The following PPARA variants were observed in gnomAD, a reference collection of about 807,000 sequenced individuals.
PPARA encodes the protein peroxisome proliferator activated receptor alpha.
In PPARA, 22 loss-of-function variants were observed where a neutral mutation model predicts 42.2. The ratio of observed to expected loss-of-function variants is 0.52; its 90% confidence interval spans 0.37 to 0.74. The LOEUF (loss-of-function observed/expected upper bound fraction) is 0.74. Among genes scored for constraint, PPARA ranks in the 30% least tolerant of loss-of-function variants. PPARA has a pLI of 0.00. For synonymous variants in PPARA, 242 were observed against 239.3 expected, an observed-to-expected ratio of 1.01 and a Z score of -0.10; for missense variants, 465 against 608.2, an observed-to-expected ratio of 0.76 and a Z score of 2.48.
At chr22:46,155,912 C>T (rs969167310) in intron 2 of PPARA, 1 of 152,240 alleles carries the variant, frequency 6.6e-6, no homozygotes, top group African/African-American at 2.4e-5. Context: ...GAGCACCATG[C>T]AGGCATATTT....
intron 4 of PPARA, among the ~76,000 whole-genome samples, chr22:46,205,833 G>C (rs1483055105): frequency 6.6e-6 from 1 of 151,734 alleles, no homozygotes. Context: ...TTATTATTAT[G>C]AAATTGCTGT....
At chr22:46,208,766 T>C (rs1047634908) in intron 4 of PPARA, among the ~76,000 whole-genome samples, 3 of 152,152 alleles carry the variant, frequency 2.0e-5, no homozygotes, top group Non-Finnish European at 4.4e-5. Flanking sequence ...TTTGACCTTT[T>C]TAGATTTCAC....
Position 46,161,871 on chromosome 22 carries a change from G to A in PPARA, c.-127+9901G>A, listed in dbSNP as rs1415974265. Among the ~76,000 whole-genome samples, 3 of 151,878 alleles carry A rather than the reference G, an allele frequency of 2.0e-5. No homozygotes were observed. The highest frequency in any genetic ancestry group is 4.8e-5 in the African/African-American group (2 of 41,310). ...ATGCCCCCACCCCCTCTGGCTCCAC[G>A]AGGCCCCCTGTACGTCACCATCACC... On this transcript the variant is annotated intron_variant, in intron 2 of 8. Transcript: ENST00000407236. This position sits in a 1 kb window ranked among gnomAD's most constrained non-coding sequence, Gnocchi z 4.8.
rs1935378631 is a variant in PPARA at position 46,225,785 on chromosome 22, ACACC to A, written c.711+5773_711+5776del. ...TCCATGCATGCACGTGTAAACACAC[ACACC>A]CCCACACATACACGTGCACCCACAC... On this transcript the variant is annotated intron_variant, in intron 7 of 8. Coordinates refer to ENST00000407236, the MANE Select transcript of PPARA (RefSeq NM_005036.6). The surrounding 1 kb of genome is among the most constrained non-coding windows in gnomAD (Gnocchi z 4.1). Among the ~76,000 whole-genome samples the A allele has an allele frequency of 1.3e-5, 2 of 151,044 alleles. No individual in the cohort carries two copies. The highest frequency in any genetic ancestry group is 4.9e-5 in the African/African-American group (2 of 41,042).
chr22:46,181,142 G>C (rs1030739872), intron 3 of PPARA, among the ~76,000 whole-genome samples: 1 of 152,162 alleles, frequency 6.6e-6, no homozygotes, highest in Non-Finnish European at 1.5e-5. Context: ...CAGGACACGA[G>C]AGTGGCTCAC....
At chr22:46,218,840 A>G (rs1396768419) in intron 6 of PPARA, among the ~76,000 whole-genome samples, 2 of 135,638 alleles carry the variant, frequency 1.5e-5, no homozygotes, top group Non-Finnish European at 3.1e-5. Context: ...TCTCACAAAA[A>G]AAAAAAAAAG....
rs1255645424 is a variant in PPARA at position 46,238,893 on chromosome 22, G to C, written c.*3513G>C. On this transcript the variant is annotated 3_prime_UTR_variant, in exon 9 of 9. Coordinates refer to ENST00000407236, the MANE Select transcript of PPARA (RefSeq NM_005036.6). The surrounding 1 kb of genome is among the most constrained non-coding windows in gnomAD (Gnocchi z 8.3). ...AAGATGCTTCCAGTTACAGCGGCAGGAGCGGGACTGGGAGCACGGGCTGAC... is the reference window on the plus strand; with the variant it reads ...AAGATGCTTCCAGTTACAGCGGCAGCAGCGGGACTGGGAGCACGGGCTGAC... The C allele has an allele frequency of 6.6e-6, 1 of 152,428 alleles. No homozygotes were observed. The highest frequency in any genetic ancestry group is 1.9e-4 in the East Asian group (1 of 5,204). The allele number at this position is 152,428 out of a possible 1,614,324, so 9.4% of individuals were successfully genotyped here.
rs1001385336 is a variant in PPARA, at chr22:46,215,021, C to G, written c.209-152C>G. The G allele has an allele frequency of 6.6e-6, 6 of 907,828 alleles. No homozygotes were observed. The South Asian group carries it at 8.6e-5, about 13-fold the overall frequency. The allele number at this position is 907,828 out of a possible 1,614,324, so 56.2% of individuals were successfully genotyped here. A position where few individuals can be genotyped will look rare whatever the true frequency, so the allele number is the denominator to read the frequency against. ...GCTGTAGGAGTGCAAGAGGGTGTGA[C>G]CCAGAGGCAGGGCCCGGCCCCGCAT... On this transcript the variant is annotated intron_variant, in intron 4 of 8. Coordinates refer to ENST00000407236, the MANE Select transcript of PPARA (RefSeq NM_005036.6).
intron 4 of PPARA, among the ~76,000 whole-genome samples, chr22:46,207,677 A>AATTTTTT (rs1933503780): frequency 2.0e-5 from 1 of 50,724 alleles, no homozygotes; most frequent in Non-Finnish European, 3.3e-5. Flanking sequence ...TATTATTATT[A>AATTTTTT]TTTTTTTTTT....
intron 4 of PPARA, among the ~76,000 whole-genome samples, chr22:46,213,574 ACTTTTT>A (rs1934146428): frequency 6.8e-6 from 1 of 146,016 alleles, no homozygotes; most frequent in Admixed American, 6.8e-5. Context: ...TGGCAAGCTA[ACTTTTT>A]CTTTTTTTTT....
chr22:46,177,694 C>T (rs1487318909), intron 3 of PPARA, among the ~76,000 whole-genome samples: 1 of 151,798 alleles, frequency 6.6e-6, no homozygotes, highest in African/African-American at 2.4e-5. Context: ...CAGGCATGTA[C>T]CCGATGAGAC....
rs767084198 is a variant in PPARA, at chr22:46,166,258, T to C, written c.-126-10495T>C. 2.0e-5 allele frequency among the ~76,000 whole-genome samples: 3 copies of C among 152,196 alleles called. No individual in the cohort carries two copies. In the South Asian group the frequency reaches 6.2e-4, roughly 32 times the overall value. On this transcript the variant is annotated intron_variant, in intron 2 of 8. Coordinates refer to ENST00000407236, the MANE Select transcript of PPARA (RefSeq NM_005036.6). Reference sequence around the variant, plus strand: ...CTGTCGGTCAGTTTCATGCACAGACTGCAAAGCATATGGTTTTGTCTACTC... The same window carrying C: ...CTGTCGGTCAGTTTCATGCACAGACCGCAAAGCATATGGTTTTGTCTACTC...
At chr22:46,185,895 CAAAAAAAAAA>C (rs1162861606) in intron 3 of PPARA, among the ~76,000 whole-genome samples, 2 of 19,678 alleles carry the variant, frequency 1.0e-4, no homozygotes, top group African/African-American at 3.4e-4. Flanking sequence ...ACTCCGTCTC[CAAAAAAAAAA>C]AAAAAAAAAA....
intron 4 of PPARA, 151 bp from the exon 5 acceptor site, chr22:46,215,022 C>T: frequency 1.1e-6 from 1 of 915,950 alleles, no homozygotes; most frequent in East Asian, 2.7e-5. Context: ...AGGGTGTGAC[C>T]CAGAGGCAGG....
In PPARA at chr22:46,183,966, G is replaced by A. The variant is rs1394532058; in HGVS notation, c.-43+7130G>A. On this transcript the variant is annotated intron_variant, in intron 3 of 8. Coordinates refer to ENST00000407236, the MANE Select transcript of PPARA (RefSeq NM_005036.6). This position sits in a 1 kb window ranked among gnomAD's most constrained non-coding sequence, Gnocchi z 5.5. ...CAGCGCATGTTGTGGTAGCCTCTCT[G>A]TACTTCAGTTTCCTCATCTGTAAAG... Among the ~76,000 whole-genome samples, 2 of 152,110 alleles carry A rather than the reference G, an allele frequency of 1.3e-5. No individual in the cohort carries two copies. Among genetic ancestry groups the A allele is most frequent in the African/African-American group, 2.4e-5 (1 of 41,402 alleles).
At chr22:46,223,553 G>C (rs1601800015) in intron 7 of PPARA, among the ~76,000 whole-genome samples, 2 of 150,876 alleles carry the variant, frequency 1.3e-5, no homozygotes, top group South Asian at 4.2e-4. Context: ...TGAGGCAGGA[G>C]AATTGCTTGA....
At chr22:46,174,216 G>A (rs2147215064) in intron 2 of PPARA, among the ~76,000 whole-genome samples, 2 of 143,990 alleles carry the variant, frequency 1.4e-5, no homozygotes, top group African/African-American at 5.3e-5. Context: ...GAGAGAGAGA[G>A]AGGGAGAAAG....
chr22:46,169,486 G>A (rs1200588847), intron 2 of PPARA, among the ~76,000 whole-genome samples: 8 of 151,374 alleles, frequency 5.3e-5, no homozygotes, highest in Non-Finnish European at 1.2e-4. Context: ...TGCCCGCCTC[G>A]GCCTCCCAAA....
chr22:46,164,952 C>T (rs944035093), intron 2 of PPARA: 9 of 152,142 alleles, frequency 5.9e-5, no homozygotes, highest in African/African-American at 1.9e-4. Context: ...TATTTCAAAA[C>T]GTAGGGCTGA....
Sources: gnomAD v4.1 joint callset for allele counts (sites outside exome capture counted in the v4.1 genomes callset) on GRCh38, gnomAD v4.1.1 for gene constraint, Gnocchi (gnomAD v3.1) non-coding constraint, MANE v1.5 for transcripts, NCBI Gene and HGNC (gene_info 2026-07-23, HGNC 2026-07-21) for gene names.